Variants in ANO10 observed in about 807,000 individuals in gnomAD.
The protein encoded by ANO10 is anoctamin-10.
A neutral mutation model predicts 74.7 loss-of-function variants in ANO10; 77 were observed. The ratio of observed to expected loss-of-function variants is 1.03; its 90% CI spans 0.86 to 1.25. The LOEUF is 1.25. Ranked by LOEUF, ANO10 falls within the 50% of genes most tolerant of loss-of-function variation. The pLI is 0.00. For missense variants in ANO10, 721 were observed against 778.1 expected (o/e 0.93, Z 0.87); for synonymous variants, 279 against 284.9 (o/e 0.98, Z 0.21).
intron 1 of ANO10, among the ~76,000 whole-genome samples, chr3:43,638,058 C>T (rs1575574098): frequency 6.6e-6 from 1 of 152,108 alleles, no homozygotes; most frequent in African/African-American, 2.4e-5. Flanking sequence ...TTTAATTGAA[C>T]TATAAGTTAA....
chr3:43,414,036 A>G (rs2092702936), intron 12 of ANO10, among the ~76,000 whole-genome samples: 1 of 152,168 alleles, frequency 6.6e-6, no homozygotes, highest in African/African-American at 2.4e-5. Context: ...GAAGGGTTTG[A>G]GACAAGAGCT....
At chr3:43,582,295 C>T (rs1282606801) in intron 4 of ANO10, among the ~76,000 whole-genome samples, 1 of 151,776 alleles carries the variant, frequency 6.6e-6, no homozygotes, top group Non-Finnish European at 1.5e-5. Flanking sequence ...ACTAAAAATA[C>T]AAAAAAATTA....
intron 11 of ANO10, among the ~76,000 whole-genome samples, chr3:43,466,171 G>A (rs1159672074): frequency 1.3e-5 from 2 of 151,962 alleles, no homozygotes; most frequent in African/African-American, 2.4e-5. Context: ...AGGAGATCAA[G>A]ACCATCCCGG....
chr3:43,642,711 C>T (rs999735089), intron 1 of ANO10, among the ~76,000 whole-genome samples: 1 of 152,042 alleles, frequency 6.6e-6, no homozygotes, highest in Non-Finnish European at 1.5e-5. Context: ...TTTATTGCTT[C>T]TTTTTGCAAA....
intron 11 of ANO10, among the ~76,000 whole-genome samples, chr3:43,454,313 T>C (rs2075028341): frequency 1.3e-5 from 2 of 152,128 alleles, no homozygotes; most frequent in Non-Finnish European, 2.9e-5. Flanking sequence ...AAAGTCATAG[T>C]GAGGACATTG....
At chr3:43,608,649 G>A (rs1031888980) in intron 1 of ANO10, among the ~76,000 whole-genome samples, 4 of 152,056 alleles carry the variant, frequency 2.6e-5, no homozygotes, top group Non-Finnish European at 5.9e-5. Context: ...CGGTGTGATC[G>A]TGGCTCACTG....
intron 11 of ANO10, among the ~76,000 whole-genome samples, chr3:43,465,737 A>T (rs1442961414): frequency 6.6e-6 from 1 of 152,228 alleles, no homozygotes. Flanking sequence ...GCAGCACATG[A>T]CTGTACCAGC....
At chr3:43,568,775 A>C (rs1207858085) in intron 7 of ANO10, among the ~76,000 whole-genome samples, 1 of 144,642 alleles carries the variant, frequency 6.9e-6, no homozygotes, top group Non-Finnish European at 1.5e-5. Context: ...AATTAAAAGA[A>C]CTAGAAAAGC....
At position 43,577,021 on chromosome 3, in the gene ANO10, T is replaced by A. The variant is rs367711525; in HGVS notation, c.833A>T (p.Lys278Met). 11 of 1,614,116 alleles carry A rather than the reference T, an allele frequency of 6.8e-6. No homozygotes were observed. The South Asian group carries it at 1.2e-4, about 18-fold the overall frequency. The change falls in exon 6 of 13, where the codon AAG (lysine) becomes ATG (methionine). Residue 278 changes from lysine (K) to methionine (M), a missense_variant. Coordinates refer to ENST00000292246, the MANE Select transcript of ANO10 (RefSeq NM_018075.5). Reference sequence around the variant, plus strand: ...TGGCCGGGGCTCCTCAAACTTTCTCTTCATGAGCAGTGTCCCCCACCTGTA... The same window carrying A: ...TGGCCGGGGCTCCTCAAACTTTCTCATCATGAGCAGTGTCCCCCACCTGTA... ...MTYRWGTLLM[K>M]RKFEEPRPGF...
chr3:43,542,502 T>C (rs1235236099), intron 11 of ANO10, among the ~76,000 whole-genome samples: 4 of 152,196 alleles, frequency 2.6e-5, no homozygotes, highest in Admixed American at 2.6e-4. Flanking sequence ...ATGAACTAAT[T>C]GCTGAAAGAG....
chr3:43,619,866 T>A (rs1187036611), intron 1 of ANO10, among the ~76,000 whole-genome samples: 12 of 129,184 alleles, frequency 9.3e-5, no homozygotes, highest in African/African-American at 3.6e-4. Flanking sequence ...TGAGACCTTG[T>A]CCAAAAAAAA....
chr3:43,683,811 C>CA (rs577680360), intron 1 of ANO10, among the ~76,000 whole-genome samples: 3,194 of 152,018 alleles, frequency 0.021, 53 homozygotes, highest in South Asian at 0.091. Flanking sequence ...ACAAACCTGA[C>CA]AAAAACAAGA....
intron 7 of ANO10, among the ~76,000 whole-genome samples, chr3:43,569,393 T>C (rs1300153255): frequency 7.0e-6 from 1 of 142,712 alleles, no homozygotes; most frequent in Non-Finnish European, 1.5e-5. Flanking sequence ...AAAAAGAGAA[T>C]TTTAGACCAA....
intron 1 of ANO10, among the ~76,000 whole-genome samples, chr3:43,634,394 C>T (rs545360437): frequency 3.4e-4 from 52 of 152,144 alleles, no homozygotes; most frequent in African/African-American, 5.5e-4. Context: ...TGTCTTTCCC[C>T]GTCTCCCAAC....
At chr3:43,669,363 A>G (rs1338176042) in intron 1 of ANO10, among the ~76,000 whole-genome samples, 1 of 152,162 alleles carries the variant, frequency 6.6e-6, no homozygotes, top group African/African-American at 2.4e-5. Context: ...TCCTGGAGGT[A>G]AAACTCATGA....
chr3:43,592,461 T>A (rs1306527541), intron 4 of ANO10, among the ~76,000 whole-genome samples: 2 of 152,210 alleles, frequency 1.3e-5, no homozygotes, highest in Non-Finnish European at 2.9e-5. Flanking sequence ...TTCTGCAGCC[T>A]CCGCTGGTGG....
intron 11 of ANO10, among the ~76,000 whole-genome samples, chr3:43,523,786 G>A (rs568704345): frequency 1.1e-4 from 16 of 152,326 alleles, no homozygotes; most frequent in East Asian, 9.6e-4. Flanking sequence ...ACTGTTAGGC[G>A]TAAAGGTAAC....
intron 11 of ANO10, among the ~76,000 whole-genome samples, chr3:43,544,943 TA>T (rs202227626): frequency 0.02 from 3,040 of 152,288 alleles, 66 homozygotes; most frequent in African/African-American, 0.054. Flanking sequence ...ATCAACTTTA[TA>T]AAATTGTTAC....
chr3:43,598,493 T>A (rs751779091), intron 4 of ANO10, 39 bp downstream of exon 4: 1 of 1,605,210 alleles, frequency 6.2e-7, no homozygotes, highest in South Asian at 1.1e-5. Flanking sequence ...TTGCTATTTA[T>A]GTCTATTAAG....
Sources: allele counts gnomAD v4.1 joint callset (sites outside exome capture counted in the v4.1 genomes callset), GRCh38; gene constraint gnomAD v4.1.1; transcripts MANE v1.5; gene names NCBI Gene and HGNC (gene_info 2026-07-23, HGNC 2026-07-21).